The following TRIM32 variants were observed in gnomAD, a reference collection of about 807,000 sequenced individuals.
The protein encoded by TRIM32 is E3 ubiquitin-protein ligase TRIM32.
In TRIM32, 19 loss-of-function variants were observed where a neutral mutation model predicts 36.0. The observed-to-expected ratio is 0.53, with a 90% confidence interval of 0.37 to 0.77. TRIM32 has a LOEUF of 0.77. Among genes scored for constraint, TRIM32 ranks in the 30% least tolerant of loss-of-function variants. The probability of loss-of-function intolerance (pLI) is 0.00; values close to 1 mark genes in which losing one functional copy is unlikely to be tolerated. For synonymous variants in TRIM32, 309 were observed against 318.5 expected (o/e 0.97, Z 0.32); for missense variants, 747 against 845.2 (o/e 0.88, Z 1.44).
At position 116,698,318 on chromosome 9, in the gene TRIM32, G is replaced by A. The variant is rs771841455; in HGVS notation, c.576G>A (p.Glu192=). The A allele has an allele frequency of 1.9e-6, 3 of 1,614,140 alleles. No homozygotes were observed. The highest frequency in any genetic ancestry group is 2.2e-5 in the East Asian group (1 of 44,874). ...KAVLQEYGHE[E]RRVQDELARS... is the part of the protein sequence containing the mutation. Reference sequence around the variant, plus strand: ...TTCTCCAGGAGTATGGGCATGAGGAGCGCAGGGTCCAGGATGAGCTGGCTC... The same window carrying A: ...TTCTCCAGGAGTATGGGCATGAGGAACGCAGGGTCCAGGATGAGCTGGCTC... The change falls in exon 2 of 2, where the codon GAG becomes GAA. Residue 192 remains glutamate (E), a synonymous_variant. Transcript: ENST00000450136. The surrounding 1 kb of genome is among the most constrained non-coding windows in gnomAD (Gnocchi z 4.4).
Position 116,697,810 on chromosome 9 carries a change from G to T in TRIM32, c.68G>T (p.Cys23Phe). 1 of 1,614,166 alleles carries T rather than the reference G, an allele frequency of 6.2e-7. No homozygotes were observed. The highest frequency in any genetic ancestry group is 8.5e-7 in the Non-Finnish European group (1 of 1,180,038). The change falls in exon 2 of 2, where the codon TGC becomes TTC. Residue 23 changes from cysteine to phenylalanine, a missense_variant. Transcript: ENST00000450136. ...ALREVLECPICMESFTEEQLR... is the reference protein window; with the variant it reads ...ALREVLECPIFMESFTEEQLR... ...CGGGAAGTGCTAGAATGCCCCATCT[G>T]CATGGAGTCCTTCACAGAAGAGCAG...
At chr9:116,690,562 T>G (rs1161166056) in intron 1 of TRIM32, among the ~76,000 whole-genome samples, 2 of 152,216 alleles carry the variant, frequency 1.3e-5, no homozygotes, top group Non-Finnish European at 2.9e-5. Flanking sequence ...ATCTTGTCTT[T>G]CTGGTAAAAC....
intron 1 of TRIM32, among the ~76,000 whole-genome samples, chr9:116,696,041 C>T (rs1408730214): frequency 6.6e-6 from 1 of 152,176 alleles, no homozygotes; most frequent in African/African-American, 2.4e-5. Flanking sequence ...CACCTGCTCC[C>T]TAGTTCAGAC....
chr9:116,694,296 G>A (rs546242243), intron 1 of TRIM32, among the ~76,000 whole-genome samples: 1 of 152,198 alleles, frequency 6.6e-6, no homozygotes, highest in African/African-American at 2.4e-5. Flanking sequence ...GATCTGCACT[G>A]CCAGCTCTGG....
chr9:116,695,117 T>TA (rs762478436), intron 1 of TRIM32, among the ~76,000 whole-genome samples: 3 of 152,144 alleles, frequency 2.0e-5, no homozygotes, highest in Non-Finnish European at 2.9e-5. Context: ...TATGTGACAG[T>TA]AAAAAATAGC....
chr9:116,691,938 C>A (rs919429689), intron 1 of TRIM32, among the ~76,000 whole-genome samples: 6 of 152,128 alleles, frequency 3.9e-5, no homozygotes, highest in Admixed American at 2.6e-4. Flanking sequence ...GTAGGATGGA[C>A]CTTTATGTCT....
rs759347153 is a variant in TRIM32, at chr9:116,700,207, C to G, written c.*503C>G. The G allele has an allele frequency of 5.1e-6, 1 of 194,412 alleles. No individual in the cohort carries two copies. Among genetic ancestry groups the G allele is most frequent in the Non-Finnish European group, 1.2e-5 (1 of 85,498 alleles). The allele number at this position is 194,412 out of a possible 1,614,324, so 12.0% of individuals were successfully genotyped here. On this transcript the variant is annotated 3_prime_UTR_variant, in exon 2 of 2. Transcript: ENST00000450136. ...AGTGACATTTAAGACATCATATTCC[C>G]GTAACATTATGTCTCAGTCTGATCG...
intron 1 of TRIM32, among the ~76,000 whole-genome samples, chr9:116,688,822 C>G (rs113050442): frequency 1.1e-3 from 173 of 152,118 alleles, no homozygotes; most frequent in African/African-American, 4.0e-3. Context: ...GGGGCAGTGG[C>G]TCTGTGAGTG....
Position 116,699,344 on chromosome 9 carries a change from C to A in TRIM32, c.1602C>A (p.Gly534=), listed in dbSNP as rs1861056498. 6.2e-7 allele frequency: 1 copy of A among 1,614,190 alleles called. No individual in the cohort carries two copies. Among genetic ancestry groups the A allele is most frequent in the Non-Finnish European group, 8.5e-7 (1 of 1,180,040 alleles). The change falls in exon 2 of 2, where the codon GGC becomes GGA. Residue 534 remains glycine (G), a synonymous_variant. Coordinates refer to ENST00000450136, the MANE Select transcript of TRIM32 (RefSeq NM_012210.4). This position sits in a 1 kb window ranked among gnomAD's most constrained non-coding sequence, Gnocchi z 4.2. ...EGTVYFTQGL[G]LNLENRQNEH... Reference sequence around the variant, plus strand: ...CCGTCTACTTCACCCAGGGCTTAGGCCTCAATCTGGAGAATCGGCAGAATG... The same window carrying A: ...CCGTCTACTTCACCCAGGGCTTAGGACTCAATCTGGAGAATCGGCAGAATG...
At chr9:116,692,912 A>G (rs899095135) in intron 1 of TRIM32, among the ~76,000 whole-genome samples, 5 of 152,104 alleles carry the variant, frequency 3.3e-5, no homozygotes, top group African/African-American at 1.2e-4. Context: ...AAGGAGCTAC[A>G]GCAGCTCATT....
At position 116,697,799 on chromosome 9, in the gene TRIM32, A is replaced by G. The variant is rs1860943175; in HGVS notation, c.57A>G (p.Glu19=). The change falls in exon 2 of 2, where the codon GAA becomes GAG. Residue 19 remains glutamate, a synonymous_variant. Coordinates refer to ENST00000450136, the MANE Select transcript of TRIM32 (RefSeq NM_012210.4). ...TGGATGCCCTCCGGGAAGTGCTAGA[A>G]TGCCCCATCTGCATGGAGTCCTTCA... ...LNLDALREVL[E]CPICMESFTE... 5 of 1,614,170 alleles carry G rather than the reference A, an allele frequency of 3.1e-6. No homozygotes were observed. Among genetic ancestry groups the G allele is most frequent in the African/African-American group, 2.7e-5 (2 of 75,056 alleles).
chr9:116,699,317 C>A lies in TRIM32; in HGVS notation c.1575C>A (p.Gly525=). The stretch of plus-strand genomic sequence containing the variant: ...AATTTGTCACCTGTGATGCTGAGGG[C>A]ACCGTCTACTTCACCCAGGGCTTAG... The part of the protein sequence containing the change: ...RPKFVTCDAE[G]TVYFTQGLGL... The change falls in exon 2 of 2, where the codon GGC becomes GGA. Residue 525 remains glycine (G), a synonymous_variant. Coordinates refer to ENST00000450136, the MANE Select transcript of TRIM32 (RefSeq NM_012210.4). The surrounding 1 kb of genome is among the most constrained non-coding windows in gnomAD (Gnocchi z 4.2). 1 of 1,614,218 alleles carries A rather than the reference C, an allele frequency of 6.2e-7. No homozygotes were observed. Among genetic ancestry groups the A allele is most frequent in the Non-Finnish European group, 8.5e-7 (1 of 1,180,040 alleles).
At chr9:116,695,485 G>T (rs915676008) in intron 1 of TRIM32, among the ~76,000 whole-genome samples, 2 of 152,184 alleles carry the variant, frequency 1.3e-5, no homozygotes, top group African/African-American at 4.8e-5. Context: ...TTGTTGTAAT[G>T]TATATCTCTA....
Position 116,697,580 on chromosome 9 carries a change from A to G in TRIM32, c.-81-82A>G. On this transcript the variant is annotated intron_variant, in intron 1 of 1. Transcript: ENST00000450136. The stretch of plus-strand genomic sequence containing the variant: ...TAAGGGAATGACTGAATGACTGGTC[A>G]TAGCTATTCTCTAAATGTTTCTTGA... 3.4e-6 allele frequency: 3 copies of G among 880,892 alleles called. No homozygotes were observed. In the South Asian group the frequency reaches 4.8e-5, roughly 14 times the overall value. The allele number at this position is 880,892 out of a possible 1,614,324, so 54.6% of individuals were successfully genotyped here.
Position 116,700,516 on chromosome 9 carries a change from CTCA to C in TRIM32, c.*817_*819del, listed in dbSNP as rs1861118239. The C allele has an allele frequency of 1.2e-5, 2 of 167,092 alleles. No homozygotes were observed. Among genetic ancestry groups the C allele is most frequent in the Non-Finnish European group, 2.9e-5 (2 of 68,142 alleles). The allele number at this position is 167,092 out of a possible 1,614,324, so 10.4% of individuals were successfully genotyped here. A position where few individuals can be genotyped will look rare whatever the true frequency, so the allele number is the denominator to read the frequency against. On this transcript the variant is annotated 3_prime_UTR_variant, in exon 2 of 2. Transcript: ENST00000450136. ...CAGCAAATTTGGATAGTCTCTAGGG[CTCA>C]TCATTTTTCATACTACCTCTCTCTT... is the stretch of plus-strand genomic sequence containing the variant.
intron 1 of TRIM32, among the ~76,000 whole-genome samples, chr9:116,694,801 G>C (rs1860760456): frequency 6.6e-6 from 1 of 151,908 alleles, no homozygotes; most frequent in Non-Finnish European, 1.5e-5. Flanking sequence ...GTATGTCTAT[G>C]CTATTGCCCC....
intron 1 of TRIM32, among the ~76,000 whole-genome samples, chr9:116,695,772 G>A (rs1271051188): frequency 6.6e-6 from 1 of 152,170 alleles, no homozygotes; most frequent in Non-Finnish European, 1.5e-5. Flanking sequence ...ACAGAGCACT[G>A]AGATCTCTCT....
At chr9:116,697,145 C>G (rs57108535) in intron 1 of TRIM32, among the ~76,000 whole-genome samples, 1,688 of 152,262 alleles carry the variant, frequency 0.011, 30 homozygotes, top group African/African-American at 0.039. Flanking sequence ...TGTGGACTTG[C>G]ATGTTATACT....
chr9:116,690,439 C>G (rs1860507761), intron 1 of TRIM32, among the ~76,000 whole-genome samples: 1 of 152,192 alleles, frequency 6.6e-6, no homozygotes, highest in Non-Finnish European at 1.5e-5. Context: ...TCCAACCCTT[C>G]AGAGCCCCTA....
Sources: gnomAD v4.1 joint callset for allele counts (sites outside exome capture counted in the v4.1 genomes callset) on GRCh38, gnomAD v4.1.1 for gene constraint, Gnocchi (gnomAD v3.1) non-coding constraint, MANE v1.5 for transcripts, NCBI Gene and HGNC (gene_info 2026-07-23, HGNC 2026-07-21) for gene names.